The following SEC24A variants were observed in gnomAD, a reference collection of about 807,000 sequenced individuals.
The protein encoded by SEC24A is protein transport protein Sec24A.
Under a neutral mutation model 129.4 loss-of-function variants are expected in SEC24A, and 93 were observed. That is an observed-to-expected ratio of 0.72 (90% CI 0.61 to 0.85). The LOEUF (loss-of-function observed/expected upper bound fraction) is 0.85. SEC24A is among the 40% of genes least tolerant of loss of function. SEC24A has a pLI of 0.00. For missense variants in SEC24A, 1,264 were observed against 1,307.4 expected (o/e 0.97, Z 0.51); for synonymous variants, 460 against 467.3 (o/e 0.98, Z 0.20).
intron 18 of SEC24A, among the ~76,000 whole-genome samples, chr5:134,714,225 A>T (rs1580738526): frequency 1.3e-5 from 2 of 152,132 alleles, no homozygotes; most frequent in East Asian, 3.8e-4. Flanking sequence ...TGGTGGGAGA[A>T]TCAATGACAG....
chr5:134,713,227 G>C, intron 18 of SEC24A, among the ~76,000 whole-genome samples: 1 of 152,112 alleles, frequency 6.6e-6, no homozygotes, highest in Middle Eastern at 3.4e-3. Context: ...CACCGCGCCC[G>C]GCCGAAATAT....
intron 8 of SEC24A, among the ~76,000 whole-genome samples, chr5:134,680,913 A>T (rs1472921729): frequency 6.6e-6 from 1 of 152,120 alleles, no homozygotes; most frequent in Non-Finnish European, 1.5e-5. Flanking sequence ...AGTGTGGCCA[A>T]CACAGTGAAA....
intron 15 of SEC24A, among the ~76,000 whole-genome samples, chr5:134,699,698 T>C (rs942787158): frequency 4.6e-5 from 6 of 129,574 alleles, no homozygotes; most frequent in East Asian, 2.0e-4. Context: ...TGTACTCTCT[T>C]TTTTTTTTTT....
In SEC24A at chr5:134,661,397, T is replaced by G. The variant is rs777866030; in HGVS notation, c.376T>G (p.Phe126Val). ...TACTACACCAATGCCTTCTAGTAGC[T>G]TTCTTCCTGAAGCCAACCTGCCACC... Reference protein sequence around the residue: ...PATTPMPSSSFLPEANLPPPL... With the variant: ...PATTPMPSSSVLPEANLPPPL... The change falls in exon 2 of 23, where the codon TTT becomes GTT. Residue 126 changes from phenylalanine to valine, a missense_variant. By Grantham distance (50) the Phe-to-Val change is conservative. Coordinates refer to ENST00000398844, the MANE Select transcript of SEC24A (RefSeq NM_021982.3). The G allele has an allele frequency of 1.7e-5, 28 of 1,614,084 alleles. No individual in the cohort carries two copies. The highest frequency in any genetic ancestry group is 2.4e-5 in the Non-Finnish European group (28 of 1,180,046).
At chr5:134,721,328 G>T (rs1053345486) in intron 21 of SEC24A, among the ~76,000 whole-genome samples, 5 of 151,994 alleles carry the variant, frequency 3.3e-5, no homozygotes, top group Admixed American at 2.6e-4. Flanking sequence ...ACTTTGGGAG[G>T]CCAGGGCGGG....
intron 4 of SEC24A, 58 bp downstream of exon 4, chr5:134,671,944 T>A: frequency 9.8e-7 from 1 of 1,022,928 alleles, no homozygotes; most frequent in Admixed American, 2.0e-5. Flanking sequence ...AGAAATAATA[T>A]GTGGTAATTG....
chr5:134,715,163 T>G lies in SEC24A; in HGVS notation c.2865+2T>G, dbSNP rs1470997460. 5 of 1,608,108 alleles carry G rather than the reference T, an allele frequency of 3.1e-6. No homozygotes were observed. Among genetic ancestry groups the G allele is most frequent in the Non-Finnish European group, 4.2e-6 (5 of 1,178,398 alleles). On this transcript the variant is annotated splice_donor_variant, in intron 19 of 22. Transcript: ENST00000398844. LOFTEE classifies it high-confidence loss of function. The stretch of plus-strand genomic sequence containing the variant: ...AGAGTTGACAATCTCTCAGATGAGG[T>G]AAGATGGATTGCTTTTTTGTGGTTT...
chr5:134,722,445 A>G (rs1013889627), intron 21 of SEC24A, among the ~76,000 whole-genome samples: 3 of 152,058 alleles, frequency 2.0e-5, no homozygotes, highest in Non-Finnish European at 4.4e-5. Context: ...CACACCTGTA[A>G]TCCCAACTAC....
At chr5:134,687,403 G>C (rs1040003949) in intron 10 of SEC24A, among the ~76,000 whole-genome samples, 1 of 152,160 alleles carries the variant, frequency 6.6e-6, no homozygotes, top group Non-Finnish European at 1.5e-5. Flanking sequence ...AATTTAAACA[G>C]TATACACACA....
chr5:134,682,603 A>C, intron 9 of SEC24A, 121 bp downstream of exon 9: 1 of 533,846 alleles, frequency 1.9e-6, no homozygotes, highest in Non-Finnish European at 3.3e-6. Context: ...TTTCACTCTC[A>C]TTGCCCATGC....
chr5:134,694,393 CTCACGCTTGTAA>C (rs1254104651), intron 13 of SEC24A, among the ~76,000 whole-genome samples: 1 of 152,138 alleles, frequency 6.6e-6, no homozygotes, highest in African/African-American at 2.4e-5. Flanking sequence ...GGCGCGGTGG[CTCACGCTTGTAA>C]TCCCAGCACT....
rs1316294597 is a variant in SEC24A, at chr5:134,725,592, C to T, written c.*498C>T. On this transcript the variant is annotated 3_prime_UTR_variant, in exon 23 of 23. Coordinates refer to ENST00000398844, the MANE Select transcript of SEC24A (RefSeq NM_021982.3). ...GGAAAACTAGAATTCATTCCCCACA[C>T]GTGTCTTTTTTTTTTCTTTGTTAAG... The T allele has an allele frequency of 6.6e-6, 1 of 151,696 alleles. No individual in the cohort carries two copies. The highest frequency in any genetic ancestry group is 1.9e-4 in the East Asian group (1 of 5,174). The allele number at this position is 151,696 out of a possible 1,614,324, so 9.4% of individuals were successfully genotyped here. A position where few individuals can be genotyped will look rare whatever the true frequency, so the allele number is the denominator to read the frequency against.
At chr5:134,708,663 G>A (rs1752233077) in intron 17 of SEC24A, 50 bp from the exon 18 acceptor site, 1 of 1,531,616 alleles carries the variant, frequency 6.5e-7, no homozygotes, top group Non-Finnish European at 8.9e-7. Context: ...CAGTGGACTA[G>A]CTAAACTTCT....
intron 11 of SEC24A, among the ~76,000 whole-genome samples, chr5:134,689,632 G>C (rs796771914): frequency 6.6e-6 from 1 of 152,010 alleles, no homozygotes; most frequent in African/African-American, 2.4e-5. Context: ...GTGGTGGTGC[G>C]TACCTGTAGT....
intron 19 of SEC24A, among the ~76,000 whole-genome samples, chr5:134,715,851 TA>T (rs34876785): frequency 0.88 from 123,324 of 140,586 alleles, 54,723 homozygotes; most frequent in South Asian, 0.96. Flanking sequence ...CTTAAAGTAT[TA>T]AAAAAAAAAA....
chr5:134,654,431 A>G (rs760706868), intron 1 of SEC24A, among the ~76,000 whole-genome samples: 7 of 152,036 alleles, frequency 4.6e-5, no homozygotes, highest in Non-Finnish European at 8.8e-5. Context: ...CATGTTGGAC[A>G]GGGTGGTCTC....
At chr5:134,691,297 G>A (rs1580716702) in intron 11 of SEC24A, among the ~76,000 whole-genome samples, 2 of 149,616 alleles carry the variant, frequency 1.3e-5, no homozygotes, top group East Asian at 2.0e-4. Flanking sequence ...TCAGCCTCCC[G>A]AGTAGTTGGG....
At chr5:134,714,020 C>T (rs547328062) in intron 18 of SEC24A, among the ~76,000 whole-genome samples, 99 of 151,420 alleles carry the variant, frequency 6.5e-4, no homozygotes, top group Non-Finnish European at 1.2e-3. Flanking sequence ...CCAGCCTTGG[C>T]GACAGAGGGA....
rs923609461 is a variant in SEC24A at position 134,727,608 on chromosome 5, T to A, written c.*2514T>A. The A allele has an allele frequency of 6.6e-6, 1 of 152,614 alleles. No homozygotes were observed. The highest frequency in any genetic ancestry group is 1.9e-4 in the East Asian group (1 of 5,204). The allele number at this position is 152,614 out of a possible 1,614,324, so 9.5% of individuals were successfully genotyped here. A position where few individuals can be genotyped will look rare whatever the true frequency, so the allele number is the denominator to read the frequency against. On this transcript the variant is annotated 3_prime_UTR_variant, in exon 23 of 23. Transcript: ENST00000398844. ...ACCAAATGTGATTTCAAAATTTTGT[T>A]AACTATTACAAATGTAATCCTTATA...
Sources: gnomAD v4.1 joint callset for allele counts (sites outside exome capture counted in the v4.1 genomes callset) on GRCh38, gnomAD v4.1.1 for gene constraint, MANE v1.5 for transcripts, NCBI Gene and HGNC (gene_info 2026-07-23, HGNC 2026-07-21) for gene names.